EFCAB13: variants seen among roughly 807,000 people sequenced by gnomAD.
EFCAB13 encodes EF-hand calcium-binding domain-containing protein 13.
A neutral mutation model predicts 110.2 loss-of-function variants in EFCAB13; 91 were observed. The observed-to-expected ratio is 0.83, with a 90% confidence interval of 0.70 to 0.98. EFCAB13 has a LOEUF of 0.98. EFCAB13 is among the 50% of genes least tolerant of loss of function. The pLI, the probability that EFCAB13 is intolerant of heterozygous loss-of-function variation, is 0.00. For synonymous variants in EFCAB13, 323 were observed against 369.9 expected, an observed-to-expected ratio of 0.87 and a Z score of 1.45; for missense variants, 968 against 1,119.4, an observed-to-expected ratio of 0.86 and a Z score of 1.93.
chr17:47,385,406 C>G (rs2143394445), intron 14 of EFCAB13, among the ~76,000 whole-genome samples: 1 of 151,906 alleles, frequency 6.6e-6, no homozygotes. Context: ...ACTTCAATCT[C>G]TGATATCCTT....
chr17:47,328,530 A>G, intron 4 of EFCAB13, 147 bp downstream of exon 4: 1 of 647,124 alleles, frequency 1.5e-6, no homozygotes, highest in Non-Finnish European at 2.7e-6. Flanking sequence ...TGTTTGAGTC[A>G]TTTTAGTGAA....
At chr17:47,421,696 C>T (rs1179242760) in intron 23 of EFCAB13, among the ~76,000 whole-genome samples, 2 of 148,582 alleles carry the variant, frequency 1.3e-5, no homozygotes, top group East Asian at 3.9e-4. Flanking sequence ...GACATCACTA[C>T]AGCATACACA....
rs1255729353 is a variant in EFCAB13, at chr17:47,377,779, A to G, written c.1386A>G (p.Glu462=). The part of the protein sequence containing the change: ...TAISTLENFC[E]AISKLQENYI... ...TTGTGTATTTAGAAAACTTCTGTGA[A>G]GCTATCAGTAAACTTCAAGAAAATT... Residue 462 remains glutamate (E), a synonymous_variant, in exon 13 of 25, where the codon GAA becomes GAG. Coordinates refer to ENST00000331493, the MANE Select transcript of EFCAB13 (RefSeq NM_152347.5). 7 of 1,579,746 alleles carry G rather than the reference A, an allele frequency of 4.4e-6. No homozygotes were observed. Among genetic ancestry groups the G allele is most frequent in the Admixed American group, 2.0e-5 (1 of 49,484 alleles).
At chr17:47,409,736 A>T in intron 21 of EFCAB13, 45 bp downstream of exon 21, 1 of 1,435,760 alleles carries the variant, frequency 7.0e-7, no homozygotes, top group Non-Finnish European at 9.8e-7. Context: ...ATAATAAGAG[A>T]TATTTTTTAG....
At chr17:47,378,150 A>G (rs545980040) in intron 13 of EFCAB13, among the ~76,000 whole-genome samples, 10 of 152,310 alleles carry the variant, frequency 6.6e-5, no homozygotes, top group African/African-American at 2.4e-4. Flanking sequence ...CACTATCCCT[A>G]TCTGTGCCTA....
rs548583774 is a variant in EFCAB13 at position 47,383,407 on chromosome 17, G to A, written c.1582+4154G>A. Among the ~76,000 whole-genome samples the A allele has an allele frequency of 8.5e-5, 13 of 152,314 alleles. No homozygotes were observed. The South Asian group carries it at 1.4e-3, about 17-fold the overall frequency. On this transcript the variant is annotated intron_variant, in intron 14 of 24. Coordinates refer to ENST00000331493, the MANE Select transcript of EFCAB13 (RefSeq NM_152347.5). ...TTTTAGATCTTTCCTGCCTTCTCCT[G>A]TGGGCATTTAGTGCTATAAATTTCC...
intron 14 of EFCAB13, among the ~76,000 whole-genome samples, chr17:47,380,415 C>A (rs142422182): frequency 1.7e-3 from 256 of 152,304 alleles, no homozygotes; most frequent in African/African-American, 5.9e-3. Context: ...GGAACTCATT[C>A]TTTGTTATGG....
intron 9 of EFCAB13, among the ~76,000 whole-genome samples, chr17:47,357,100 G>A (rs980820008): frequency 9.2e-5 from 14 of 152,158 alleles, no homozygotes; most frequent in Non-Finnish European, 7.4e-5. Context: ...CTGTAGCACC[G>A]AGTTTATTTC....
intron 20 of EFCAB13, among the ~76,000 whole-genome samples, chr17:47,408,670 A>G (rs775726665): frequency 6.6e-6 from 1 of 152,170 alleles, no homozygotes; most frequent in Non-Finnish European, 1.5e-5. Context: ...AAATAAATAC[A>G]AAATAAAAAG....
At chr17:47,382,318 T>C (rs991640945) in intron 14 of EFCAB13, among the ~76,000 whole-genome samples, 4 of 152,208 alleles carry the variant, frequency 2.6e-5, no homozygotes, top group African/African-American at 9.7e-5. Context: ...GCAATTGGAC[T>C]TCCTCTCTTC....
chr17:47,394,342 A>T (rs2065725974), intron 16 of EFCAB13, among the ~76,000 whole-genome samples: 1 of 152,178 alleles, frequency 6.6e-6, no homozygotes, highest in Non-Finnish European at 1.5e-5. Flanking sequence ...TCATTAGCGC[A>T]CTTATAGAGG....
intron 9 of EFCAB13, among the ~76,000 whole-genome samples, chr17:47,352,974 T>G (rs915542011): frequency 2.0e-5 from 3 of 152,230 alleles, no homozygotes; most frequent in Non-Finnish European, 1.5e-5. Context: ...CAGGGTTTTT[T>G]GGGAGGAGTC....
chr17:47,361,509 A>T lies in EFCAB13; in HGVS notation c.793A>T (p.Thr265Ser), dbSNP rs757556567. 66 of 1,567,464 alleles carry T rather than the reference A, an allele frequency of 4.2e-5. No individual in the cohort carries two copies. Among genetic ancestry groups the T allele is most frequent in the Non-Finnish European group, 5.6e-5 (65 of 1,155,958 alleles). Residue 265 changes from threonine (T) to serine (S), a missense_variant, in exon 10 of 25, where the codon ACC (threonine) becomes TCC (serine). Physicochemically the swap from Thr to Ser is moderately conservative, Grantham distance 58. Transcript: ENST00000331493. ...REILEEVTKH[T>S]YIDSNHMVDI... ...AATTTTAGAAGAAGTGACAAAACATACCTATATTGACAGTGAGTTATTTGC... is the reference window on the plus strand; with the variant it reads ...AATTTTAGAAGAAGTGACAAAACATTCCTATATTGACAGTGAGTTATTTGC...
chr17:47,396,574 T>G (rs2065739496), intron 17 of EFCAB13, among the ~76,000 whole-genome samples: 1 of 152,202 alleles, frequency 6.6e-6, no homozygotes, highest in African/African-American at 2.4e-5. Context: ...TTCTACTCTC[T>G]CATAGTCTTA....
intron 17 of EFCAB13, among the ~76,000 whole-genome samples, chr17:47,400,699 C>G (rs1409578946): frequency 6.6e-6 from 1 of 151,586 alleles, no homozygotes; most frequent in South Asian, 2.1e-4. Flanking sequence ...CCTTCCCTTC[C>G]CTTCCCTTCC....
intron 10 of EFCAB13, chr17:47,369,795 G>A (rs2065571268): frequency 6.6e-6 from 1 of 152,356 alleles, no homozygotes; most frequent in African/African-American, 2.4e-5. Flanking sequence ...GTGCACAATT[G>A]AAATGACATT....
intron 17 of EFCAB13, 81 bp downstream of exon 17, chr17:47,396,058 T>C (rs1326828300): frequency 7.8e-7 from 1 of 1,278,484 alleles, no homozygotes; most frequent in African/African-American, 1.5e-5. Flanking sequence ...TTGTATCTTG[T>C]ACTTGGCGAG....
chr17:47,386,652 C>T (rs919938268), intron 14 of EFCAB13, among the ~76,000 whole-genome samples: 3 of 152,070 alleles, frequency 2.0e-5, no homozygotes, highest in Admixed American at 6.5e-5. Context: ...AGCTCTGTCT[C>T]GCTGGGATTC....
intron 11 of EFCAB13, among the ~76,000 whole-genome samples, chr17:47,372,796 G>T (rs1262808943): frequency 2.0e-5 from 3 of 152,068 alleles, no homozygotes; most frequent in Admixed American, 6.5e-5. Flanking sequence ...TGAGAAATTT[G>T]CTGTCCTTAT....
Sources: gnomAD v4.1 joint callset for allele counts (sites outside exome capture counted in the v4.1 genomes callset) on GRCh38, gnomAD v4.1.1 for gene constraint, MANE v1.5 for transcripts, NCBI Gene and HGNC (gene_info 2026-07-23, HGNC 2026-07-21) for gene names.